AHI1: variants seen among roughly 807,000 people sequenced by gnomAD.
AHI1 encodes jouberin.
Under a neutral mutation model 149.3 loss-of-function variants are expected in AHI1, and 123 were observed. That is an observed-to-expected ratio of 0.82 (90% confidence interval 0.71 to 0.96). The LOEUF is 0.96. Among genes scored for constraint, AHI1 ranks in the 40% least tolerant of loss-of-function variants. AHI1 has a pLI of 0.00. For synonymous variants in AHI1, 475 were observed against 459.8 expected (o/e 1.03, Z -0.42); for missense variants, 1,439 against 1,422.7 (o/e 1.01, Z -0.18).
chr6:135,286,394 C>T (rs1037639059), intron 28 of AHI1: 3 of 152,204 alleles, frequency 2.0e-5, no homozygotes, highest in African/African-American at 7.2e-5. Flanking sequence ...AAGTTCTGGA[C>T]TTACACAGAA....
intron 23 of AHI1, among the ~76,000 whole-genome samples, chr6:135,389,371 G>A (rs1282277606): frequency 1.3e-5 from 2 of 150,904 alleles, no homozygotes; most frequent in East Asian, 1.9e-4. Context: ...ATGCACAAGA[G>A]TTAGCTTGAC....
At chr6:135,315,351 C>G (rs889724421) in intron 26 of AHI1, among the ~76,000 whole-genome samples, 6 of 152,120 alleles carry the variant, frequency 3.9e-5, no homozygotes, top group African/African-American at 1.4e-4. Context: ...AGCTTGGTGA[C>G]TCCTTTTCCG....
intron 23 of AHI1, among the ~76,000 whole-genome samples, chr6:135,370,944 T>C (rs1774963592): frequency 6.6e-6 from 1 of 152,160 alleles, no homozygotes; most frequent in African/African-American, 2.4e-5. Flanking sequence ...ATAAATACAT[T>C]TATTATTTAT....
intron 5 of AHI1, among the ~76,000 whole-genome samples, chr6:135,480,086 C>T (rs1793371959): frequency 6.6e-6 from 1 of 152,174 alleles, no homozygotes. Flanking sequence ...ATAAATTACC[C>T]AGTCTCAGTT....
intron 14 of AHI1, among the ~76,000 whole-genome samples, chr6:135,441,746 T>A (rs189583404): frequency 6.6e-6 from 1 of 152,146 alleles, no homozygotes; most frequent in African/African-American, 2.4e-5. Flanking sequence ...CCTCTACATA[T>A]GGGTTTTTGG....
rs933472912 is a variant in AHI1, at chr6:135,323,066, G to A, written c.3328+96C>T. 19 of 1,333,328 alleles carry A rather than the reference G, an allele frequency of 1.4e-5. No individual in the cohort carries two copies. In the East Asian group the frequency reaches 4.2e-4, roughly 29 times the overall value. 82.6% of individuals were successfully genotyped at this position (1,333,328 alleles called of 1,614,324 possible). On this transcript the variant is annotated intron_variant, in intron 25 of 28. Transcript: ENST00000265602. ...TACCCATTGGTAAACATATGCAAAG[G>A]TTACAAAGACAGTAAATTAAAGACT...
intron 2 of AHI1, among the ~76,000 whole-genome samples, chr6:135,496,460 T>C (rs1364106617): frequency 3.3e-5 from 5 of 152,172 alleles, no homozygotes; most frequent in African/African-American, 1.2e-4. Context: ...ATGATAGAAT[T>C]AACGGCTAAT....
chr6:135,468,450 TC>T (rs1401588292), intron 5 of AHI1, among the ~76,000 whole-genome samples: 1 of 152,050 alleles, frequency 6.6e-6, no homozygotes, highest in African/African-American at 2.4e-5. Flanking sequence ...ATGCCTGTAA[TC>T]CCAACAGTTT....
intron 26 of AHI1, chr6:135,301,275 A>T: frequency 1.0e-6 from 1 of 982,532 alleles, no homozygotes; most frequent in Non-Finnish European, 1.2e-6. Context: ...TAACACTCAC[A>T]AAGAAAATAT....
chr6:135,429,945 G>C lies in AHI1; in HGVS notation c.2429C>G (p.Pro810Arg). The C allele has an allele frequency of 6.3e-7, 1 of 1,588,570 alleles. No homozygotes were observed. Among genetic ancestry groups the C allele is most frequent in the Non-Finnish European group, 8.6e-7 (1 of 1,166,100 alleles). Residue 810 changes from proline to arginine, a missense_variant, in exon 18 of 29, where the codon CCC (proline) becomes CGC (arginine). By Grantham distance (103) the Pro-to-Arg change is moderately radical (BLOSUM62 -2). Transcript: ENST00000265602. ...GIPISYLEIH[P>R]NGKRLLIHTK... Reference sequence around the variant, plus strand: ...ATGGATTAACAAACGTTTTCCATTGGGATGAATCTCCAAATAACTTATTGG... The same window carrying C: ...ATGGATTAACAAACGTTTTCCATTGCGATGAATCTCCAAATAACTTATTGG...
rs750439539 is a variant in AHI1, at chr6:135,300,537, A to T, written c.3448T>A (p.Ser1150Thr). Reference sequence around the variant, plus strand: ...TCTGAGCCTAGTCTGAAGTCCTGGGACTTGTTCTTATTGATTGATTGCTGT... The same window carrying T: ...TCTGAGCCTAGTCTGAAGTCCTGGGTCTTGTTCTTATTGATTGATTGCTGT... The part of the protein sequence containing the change: ...PQKQSINKNK[S>T]QDFRLGSESM... Residue 1150 changes from serine to threonine, a missense_variant, in exon 27 of 29, where the codon TCC (serine) becomes ACC (threonine). Physicochemically the swap from Ser to Thr is moderately conservative, Grantham distance 58. Transcript: ENST00000265602. 63 of 1,608,184 alleles carry T rather than the reference A, an allele frequency of 3.9e-5. No homozygotes were observed. Among genetic ancestry groups the T allele is most frequent in the Non-Finnish European group, 4.8e-5 (56 of 1,177,238 alleles).
rs113820334 is a variant in AHI1 at position 135,381,768 on chromosome 6, C to A, written c.3109+13008G>T. Among the ~76,000 whole-genome samples the A allele has an allele frequency of 9.3e-3, 1,423 of 152,312 alleles. 19 individuals carry two copies. Among genetic ancestry groups the A allele is most frequent in the African/African-American group, 0.032 (1,328 of 41,572 alleles). Reference sequence around the variant, plus strand: ...CATGCCCTGTTGAATTTACCACCATCATATTATAACTATTTCTTTGCCTGC... The same window carrying A: ...CATGCCCTGTTGAATTTACCACCATAATATTATAACTATTTCTTTGCCTGC... On this transcript the variant is annotated intron_variant, in intron 23 of 28. Coordinates refer to ENST00000265602, the MANE Select transcript of AHI1 (RefSeq NM_001134831.2).
chr6:135,381,290 T>G (rs1776734818), intron 23 of AHI1, among the ~76,000 whole-genome samples: 1 of 152,092 alleles, frequency 6.6e-6, no homozygotes, highest in Non-Finnish European at 1.5e-5. Context: ...TCAGACAAAT[T>G]TAACAGCAAT....
chr6:135,313,060 T>C lies in AHI1; in HGVS notation c.3426+5459A>G, dbSNP rs115592795. On this transcript the variant is annotated intron_variant, in intron 26 of 28. Transcript: ENST00000265602. ...AGGAGCTAAATTTAAGAAATGCAAC[T>C]AGCCAGGTGCTAAGAAGCTCAGTTA... Among the ~76,000 whole-genome samples the C allele has an allele frequency of 3.3e-3, 505 of 152,314 alleles. 1 individual carries two copies. Among genetic ancestry groups the C allele is most frequent in the African/African-American group, 0.011 (463 of 41,580 alleles).
At chr6:135,478,472 A>T (rs1204729320) in intron 5 of AHI1, among the ~76,000 whole-genome samples, 1 of 152,156 alleles carries the variant, frequency 6.6e-6, no homozygotes, top group Non-Finnish European at 1.5e-5. Flanking sequence ...CTTGAGAGAG[A>T]TGATTTAGGG....
chr6:135,369,604 C>T, intron 23 of AHI1, among the ~76,000 whole-genome samples: 1 of 152,202 alleles, frequency 6.6e-6, no homozygotes. Flanking sequence ...TTCTGCAATT[C>T]CAGTTGCATG....
Position 135,318,846 on chromosome 6 carries a change from G to A in AHI1, c.3329-230C>T, listed in dbSNP as rs759190954. Among the ~76,000 whole-genome samples the A allele has an allele frequency of 5.2e-4, 79 of 152,220 alleles. 1 individual carries two copies. The highest frequency in any genetic ancestry group is 1.5e-4 in the Non-Finnish European group (10 of 68,046). ...TAATCATCTGGATTTCAGAAATGCAGAAGGTGTCATTTTCACTTATTATCT... is the reference window on the plus strand; with the variant it reads ...TAATCATCTGGATTTCAGAAATGCAAAAGGTGTCATTTTCACTTATTATCT... On this transcript the variant is annotated intron_variant, in intron 25 of 28. Coordinates refer to ENST00000265602, the MANE Select transcript of AHI1 (RefSeq NM_001134831.2).
At chr6:135,432,960 A>C in intron 16 of AHI1, 67 bp downstream of exon 16, 2 of 1,210,168 alleles carry the variant, frequency 1.7e-6, no homozygotes, top group Non-Finnish European at 2.4e-6. Flanking sequence ...TCAAGCCTAA[A>C]TAACTATTAT....
intron 11 of AHI1, among the ~76,000 whole-genome samples, chr6:135,451,531 A>G (rs1362474802): frequency 6.6e-6 from 1 of 152,196 alleles, no homozygotes; most frequent in Non-Finnish European, 1.5e-5. Flanking sequence ...GACTCTAAAA[A>G]GCTTACAGTC....
Sources: allele counts gnomAD v4.1 joint callset (sites outside exome capture counted in the v4.1 genomes callset), GRCh38; gene constraint gnomAD v4.1.1; transcripts MANE v1.5; gene names NCBI Gene and HGNC (gene_info 2026-07-23, HGNC 2026-07-21).